The following PCDHA5 variants were observed in gnomAD, a reference collection of about 807,000 sequenced individuals.
PCDHA5 encodes protocadherin alpha-5.
In PCDHA5, 43 loss-of-function variants were observed where a neutral mutation model predicts 61.6. The observed-to-expected ratio is 0.70, with a 90% CI of 0.55 to 0.90. PCDHA5 has a LOEUF of 0.90. Ranked by LOEUF, PCDHA5 falls within the 40% of genes least tolerant of loss-of-function variation. The pLI, the probability that PCDHA5 is intolerant of heterozygous loss-of-function variation, is 0.00. For missense variants in PCDHA5, 1,298 were observed against 1,222.7 expected, an observed-to-expected ratio of 1.06 and a Z score of -0.92; for synonymous variants, 627 against 543.9, an observed-to-expected ratio of 1.15 and a Z score of -2.13.
chr5:140,852,214 AT>A lies in PCDHA5; in HGVS notation c.2352+28091del, dbSNP rs1374970785. 2.5e-5 allele frequency: 16 copies of A among 644,870 alleles called. No individual in the cohort carries two copies. The South Asian group carries it at 1.1e-3, about 44-fold the overall frequency. The allele number at this position is 644,870 out of a possible 1,614,324, so 39.9% of individuals were successfully genotyped here. A position where few individuals can be genotyped will look rare whatever the true frequency, so the allele number is the denominator to read the frequency against. On this transcript the variant is annotated intron_variant, in intron 1 of 3. Transcript: ENST00000529859. ...CAGTAACGTTTATTTAAAACAAAAT[AT>A]TTTAATTTTTAAATTTTCCCTTAAA... is the stretch of plus-strand genomic sequence containing the variant.
At chr5:140,841,684 G>C in intron 1 of PCDHA5, 1 of 1,613,954 alleles carries the variant, frequency 6.2e-7, no homozygotes, top group South Asian at 1.1e-5. Context: ...ATGTGGACGT[G>C]GAGGTGAAGG....
chr5:140,933,677 T>C (rs1024721491), intron 1 of PCDHA5, among the ~76,000 whole-genome samples: 1 of 151,826 alleles, frequency 6.6e-6, no homozygotes, highest in Non-Finnish European at 1.5e-5. Flanking sequence ...CTCTCTCACA[T>C]TTTTTTTCCT....
chr5:140,823,461 G>A lies in PCDHA5; in HGVS notation c.1686G>A (p.Pro562=). 6.2e-7 allele frequency: 1 copy of A among 1,613,442 alleles called. No individual in the cohort carries two copies. Residue 562 remains proline (P), a synonymous_variant, in exon 1 of 4, where the codon CCG becomes CCA. Coordinates refer to ENST00000529859, the MANE Select transcript of PCDHA5 (RefSeq NM_018908.3). Reference sequence around the variant, plus strand: ...TGCTGGACGAGAACGACAACGCGCCGGCGCTGCTGGTGCCTCGAGTGGGTG... The same window carrying A: ...TGCTGGACGAGAACGACAACGCGCCAGCGCTGCTGGTGCCTCGAGTGGGTG... The part of the protein sequence containing the change: ...VFVLDENDNA[P]ALLVPRVGGT...
chr5:141,010,118 T>C lies in PCDHA5; in HGVS notation c.*181T>C. 6.2e-7 allele frequency: 1 copy of C among 1,608,728 alleles called. No homozygotes were observed. The highest frequency in any genetic ancestry group is 8.5e-7 in the Non-Finnish European group (1 of 1,177,116). ...TTAACAGGTTTTGTCGTAAAAGCTT[T>C]ACTAAGTCTGGTGTTAACTCTTTCT... On this transcript the variant is annotated 3_prime_UTR_variant, in exon 4 of 4. Transcript: ENST00000529859.
chr5:140,925,585 A>T (rs1450626568), intron 1 of PCDHA5, among the ~76,000 whole-genome samples: 1 of 151,748 alleles, frequency 6.6e-6, no homozygotes, highest in Non-Finnish European at 1.5e-5. Flanking sequence ...AACATGGCGC[A>T]TGTATACATA....
chr5:140,849,674 C>G (rs138948867), intron 1 of PCDHA5: 2 of 1,598,596 alleles, frequency 1.3e-6, no homozygotes, highest in African/African-American at 2.7e-5. Flanking sequence ...CGCCCCACGT[C>G]CCCTTCAAGC....
intron 1 of PCDHA5, among the ~76,000 whole-genome samples, chr5:140,833,644 A>G (rs1048308500): frequency 1.3e-5 from 2 of 152,196 alleles, no homozygotes; most frequent in African/African-American, 4.8e-5. Context: ...AAAAGTTCAC[A>G]TGATACAAAT....
chr5:140,858,219 C>A (rs1554151292), intron 1 of PCDHA5: 2 of 1,595,768 alleles, frequency 1.3e-6, no homozygotes, highest in Non-Finnish European at 8.6e-7. Flanking sequence ...TGCTCGGCGG[C>A]GCCCACCGAG....
chr5:140,846,590 G>A (rs1780577373), intron 1 of PCDHA5, among the ~76,000 whole-genome samples: 1 of 148,312 alleles, frequency 6.7e-6, no homozygotes, highest in African/African-American at 2.5e-5. Context: ...TAGCCAGGAT[G>A]GTCTCGATCT....
chr5:140,870,629 T>C, intron 1 of PCDHA5: 2 of 1,612,984 alleles, frequency 1.2e-6, no homozygotes, highest in East Asian at 4.5e-5. Flanking sequence ...TACGTGTCGG[T>C]GCACGCGGAG....
intron 1 of PCDHA5, chr5:140,829,567 C>T (rs1581882153): frequency 3.1e-6 from 5 of 1,612,524 alleles, no homozygotes; most frequent in Non-Finnish European, 2.5e-6. Context: ...TGGTGTCCTA[C>T]TCGCTGGTGG....
chr5:140,986,204 T>A (rs2097190386), intron 3 of PCDHA5, among the ~76,000 whole-genome samples: 1 of 152,224 alleles, frequency 6.6e-6, no homozygotes, highest in African/African-American at 2.4e-5. Context: ...TAATCCTGAT[T>A]ACTGGCCCCT....
chr5:140,842,555 G>C, intron 1 of PCDHA5: 2 of 1,465,934 alleles, frequency 1.4e-6, no homozygotes, highest in Non-Finnish European at 1.9e-6. Flanking sequence ...GCTGGACAGC[G>C]CCCTGGACCG....
At chr5:140,988,851 C>T (rs2097316213) in intron 3 of PCDHA5, 1 of 152,174 alleles carries the variant, frequency 6.6e-6, no homozygotes, top group Admixed American at 6.5e-5. Context: ...TGAAACCTAT[C>T]CAGTCTCATG....
chr5:140,893,388 CATG>C (rs2063965035), intron 1 of PCDHA5, among the ~76,000 whole-genome samples: 1 of 152,132 alleles, frequency 6.6e-6, no homozygotes, highest in South Asian at 2.1e-4. Context: ...GACAGTGGCT[CATG>C]CCTGTAATCC....
At chr5:140,835,628 C>T (rs2150239805) in intron 1 of PCDHA5, 1 of 1,613,890 alleles carries the variant, frequency 6.2e-7, no homozygotes, top group Admixed American at 1.7e-5. Context: ...CTCTGGACCG[C>T]GAGAGTGTGT....
At chr5:140,988,467 A>T (rs1245281936) in intron 3 of PCDHA5, among the ~76,000 whole-genome samples, 12 of 152,242 alleles carry the variant, frequency 7.9e-5, no homozygotes, top group African/African-American at 2.4e-4. Flanking sequence ...AGGGTGTGGG[A>T]AGGGGAATTA....
chr5:140,879,101 A>G (rs2153365508), intron 1 of PCDHA5, among the ~76,000 whole-genome samples: 1 of 152,330 alleles, frequency 6.6e-6, no homozygotes, highest in East Asian at 1.9e-4. Context: ...TGCACAGTAT[A>G]TGGTGTAATT....
In PCDHA5 at chr5:140,822,530, A is replaced by G. The variant is rs2150117058; in HGVS notation, c.755A>G (p.Glu252Gly). 1 of 1,613,856 alleles carries G rather than the reference A, an allele frequency of 6.2e-7. No individual in the cohort carries two copies. Among genetic ancestry groups the G allele is most frequent in the Non-Finnish European group, 8.5e-7 (1 of 1,179,886 alleles). ...DKSIYNVRLL[E>G]NAPSGTLVIK... is the part of the protein sequence containing the mutation. ...TCCATTTATAATGTCAGATTGTTGG[A>G]AAATGCACCAAGTGGGACATTAGTT... The change falls in exon 1 of 4, where the codon GAA (glutamate) becomes GGA (glycine). Residue 252 changes from glutamate (E) to glycine (G), a missense_variant. Coordinates refer to ENST00000529859, the MANE Select transcript of PCDHA5 (RefSeq NM_018908.3).
Sources: gnomAD v4.1 joint callset for allele counts (sites outside exome capture counted in the v4.1 genomes callset) on GRCh38, gnomAD v4.1.1 for gene constraint, MANE v1.5 for transcripts, NCBI Gene and HGNC (gene_info 2026-07-23, HGNC 2026-07-21) for gene names.